GULP1: variants seen among roughly 807,000 people sequenced by gnomAD.
The protein encoded by GULP1 is PTB domain-containing engulfment adapter protein 1.
In GULP1, 19 loss-of-function variants were observed where a neutral mutation model predicts 40.9. The observed-to-expected ratio is 0.46, with a 90% CI of 0.32 to 0.68. The LOEUF (loss-of-function observed/expected upper bound fraction) is 0.68. GULP1 is among the 30% of genes least tolerant of loss of function. The pLI is 0.03. For synonymous variants in GULP1, 119 were observed against 117.6 expected (o/e 1.01, Z -0.08); for missense variants, 312 against 362.2 (o/e 0.86, Z 1.12).
At chr2:188,427,941 T>A (rs1025758720) in intron 2 of GULP1, among the ~76,000 whole-genome samples, 1 of 152,194 alleles carries the variant, frequency 6.6e-6, no homozygotes, top group Non-Finnish European at 1.5e-5. Context: ...GTGCCAGCCC[T>A]TGAGAGTAGC....
chr2:188,489,695 A>G (rs1026432223), intron 4 of GULP1, among the ~76,000 whole-genome samples: 4 of 152,066 alleles, frequency 2.6e-5, no homozygotes, highest in Non-Finnish European at 4.4e-5. Context: ...CCAAAGTAAT[A>G]CTGACACGTG....
At chr2:188,570,250 G>A in intron 9 of GULP1, 130 bp downstream of exon 9, 1 of 580,312 alleles carries the variant, frequency 1.7e-6, no homozygotes, top group Non-Finnish European at 3.1e-6. Context: ...TAGAGATGAA[G>A]GCTGCTAAGC....
chr2:188,569,432 A>T, intron 8 of GULP1, 77 bp downstream of exon 8: 1 of 805,616 alleles, frequency 1.2e-6, no homozygotes, highest in Non-Finnish European at 2.2e-6. Context: ...AAACAAATTT[A>T]GAAGCCCTGC....
At chr2:188,555,501 C>CT (rs1247949878) in intron 7 of GULP1, among the ~76,000 whole-genome samples, 2 of 152,112 alleles carry the variant, frequency 1.3e-5, no homozygotes, top group South Asian at 4.1e-4. Flanking sequence ...TCATGTTCTT[C>CT]TTTTTTTCTT....
At chr2:188,532,910 G>T (rs1687939386) in intron 6 of GULP1, among the ~76,000 whole-genome samples, 2 of 152,072 alleles carry the variant, frequency 1.3e-5, no homozygotes, top group African/African-American at 2.4e-5. Flanking sequence ...GACAGTGTGA[G>T]ACTGTCTCAC....
chr2:188,433,424 A>C (rs764853170), intron 2 of GULP1, among the ~76,000 whole-genome samples: 2 of 152,144 alleles, frequency 1.3e-5, no homozygotes, highest in Non-Finnish European at 1.5e-5. Flanking sequence ...ATTGAAATTG[A>C]TTATGAGAGA....
rs187302982 is a variant in GULP1, at chr2:188,570,156, A to T, written c.609+36A>T. ...TGAATATCCTTAGAAACAAGATTTT[A>T]TGGTGATAAAACATCTGTGTATCAC... On this transcript the variant is annotated intron_variant, in intron 9 of 11. Coordinates refer to ENST00000409830, the MANE Select transcript of GULP1 (RefSeq NM_016315.4). The T allele has an allele frequency of 2.1e-4, 180 of 856,346 alleles. 4 individuals carry two copies. Among genetic ancestry groups the T allele is most frequent in the East Asian group, 1.2e-3 (49 of 39,458 alleles). 53.0% of individuals were successfully genotyped at this position (856,346 alleles called of 1,614,324 possible). A position where few individuals can be genotyped will look rare whatever the true frequency, so the allele number is the denominator to read the frequency against.
intron 2 of GULP1, among the ~76,000 whole-genome samples, chr2:188,435,589 G>C (rs2057332592): frequency 6.6e-6 from 1 of 151,972 alleles, no homozygotes; most frequent in Non-Finnish European, 1.5e-5. Flanking sequence ...TTGTGTGTCA[G>C]AAGTCCCATA....
chr2:188,388,695 C>T (rs1217611866), intron 2 of GULP1, among the ~76,000 whole-genome samples: 1 of 152,128 alleles, frequency 6.6e-6, no homozygotes, highest in African/African-American at 2.4e-5. Context: ...CCTTGCCGCT[C>T]GCCAGGCACT....
At chr2:188,416,197 C>G (rs1418357232) in intron 2 of GULP1, among the ~76,000 whole-genome samples, 9 of 151,992 alleles carry the variant, frequency 5.9e-5, no homozygotes, top group Admixed American at 5.2e-4. Flanking sequence ...CTTCCTCCAT[C>G]TTTTTTTCTC....
chr2:188,443,325 C>T (rs1222803225), intron 2 of GULP1, among the ~76,000 whole-genome samples: 1 of 152,060 alleles, frequency 6.6e-6, no homozygotes, highest in African/African-American at 2.4e-5. Context: ...TTGTAGCTGG[C>T]ACGATTTACA....
intron 2 of GULP1, among the ~76,000 whole-genome samples, chr2:188,430,347 C>A (rs1378941233): frequency 6.6e-6 from 1 of 152,074 alleles, no homozygotes; most frequent in Non-Finnish European, 1.5e-5. Context: ...GTTTCTTAAG[C>A]TAGTTATCAA....
chr2:188,481,763 A>G (rs551576145), intron 3 of GULP1, among the ~76,000 whole-genome samples: 2 of 152,058 alleles, frequency 1.3e-5, no homozygotes, highest in South Asian at 2.1e-4. Flanking sequence ...GGAGACATGA[A>G]AAGAATTAAG....
chr2:188,321,471 A>G (rs898269065), intron 1 of GULP1, among the ~76,000 whole-genome samples: 3 of 152,184 alleles, frequency 2.0e-5, no homozygotes, highest in Non-Finnish European at 2.9e-5. Flanking sequence ...TTGAGTAGAA[A>G]ACTACTAAAA....
At chr2:188,356,223 A>G (rs1280039732) in intron 1 of GULP1, among the ~76,000 whole-genome samples, 1 of 152,164 alleles carries the variant, frequency 6.6e-6, no homozygotes, top group Non-Finnish European at 1.5e-5. Flanking sequence ...AAGGGCATCC[A>G]AATTGGAAAG....
chr2:188,484,211 A>G (rs572463041), intron 4 of GULP1, among the ~76,000 whole-genome samples: 20 of 152,292 alleles, frequency 1.3e-4, no homozygotes, highest in African/African-American at 3.8e-4. Flanking sequence ...CCCAGCCTAA[A>G]TTATTTTTAA....
chr2:188,345,019 A>G (rs1313404912), intron 1 of GULP1, among the ~76,000 whole-genome samples: 1 of 152,208 alleles, frequency 6.6e-6, no homozygotes, highest in Non-Finnish European at 1.5e-5. Context: ...TTTATGCCAG[A>G]ACTCTGGGCA....
At chr2:188,375,517 A>T (rs1224488327) in intron 1 of GULP1, among the ~76,000 whole-genome samples, 1 of 152,194 alleles carries the variant, frequency 6.6e-6, no homozygotes, top group Non-Finnish European at 1.5e-5. Flanking sequence ...TCATTCCAGC[A>T]GCTTCCATTG....
chr2:188,477,851 A>G (rs1271528874), intron 3 of GULP1, 121 bp downstream of exon 3: 2 of 701,256 alleles, frequency 2.9e-6, no homozygotes, highest in African/African-American at 3.7e-5. Flanking sequence ...ATGAAGTTAG[A>G]TTAGAGCAAC....
Sources: gnomAD v4.1 joint callset for allele counts (sites outside exome capture counted in the v4.1 genomes callset) on GRCh38, gnomAD v4.1.1 for gene constraint, MANE v1.5 for transcripts, NCBI Gene and HGNC (gene_info 2026-07-23, HGNC 2026-07-21) for gene names.